The following LHPP variants were observed in gnomAD, a reference collection of about 807,000 sequenced individuals.
The protein encoded by LHPP is phospholysine phosphohistidine inorganic pyrophosphate phosphatase.
A neutral mutation model predicts 30.3 loss-of-function variants in LHPP; 24 were observed. That is an observed-to-expected ratio of 0.79 (90% CI 0.57 to 1.11). LHPP has a LOEUF of 1.11. LHPP is among the 50% of genes most tolerant of loss of function. LHPP has a pLI of 0.00. For synonymous variants in LHPP, 150 were observed against 157.1 expected, an observed-to-expected ratio of 0.95 and a Z score of 0.34; for missense variants, 356 against 367.2, an observed-to-expected ratio of 0.97 and a Z score of 0.25.
chr10:124,498,344 A>G (rs1274100120), intron 5 of LHPP: 7 of 1,570,796 alleles, frequency 4.5e-6, no homozygotes, highest in Non-Finnish European at 6.0e-6. Context: ...TCAGTATGAA[A>G]GCAAGAAGCA....
At chr10:124,504,988 C>G (rs1954021713) in intron 5 of LHPP, among the ~76,000 whole-genome samples, 1 of 152,144 alleles carries the variant, frequency 6.6e-6, no homozygotes, top group African/African-American at 2.4e-5. Context: ...CCCTGAGCAT[C>G]TGTGGCCCTG....
At chr10:124,563,546 G>A (rs957695947) in intron 6 of LHPP, among the ~76,000 whole-genome samples, 2 of 152,080 alleles carry the variant, frequency 1.3e-5, no homozygotes, top group Non-Finnish European at 2.9e-5. Context: ...ATAAAGAGCA[G>A]CCTGAGGGGT....
chr10:124,598,173 C>G (rs913763598), intron 6 of LHPP, among the ~76,000 whole-genome samples: 3 of 152,254 alleles, frequency 2.0e-5, no homozygotes. Flanking sequence ...CAGCCCCTCA[C>G]CAGGTCCCCA....
At chr10:124,594,298 C>A in intron 6 of LHPP, among the ~76,000 whole-genome samples, 1 of 135,668 alleles carries the variant, frequency 7.4e-6, no homozygotes, top group East Asian at 2.3e-4. Flanking sequence ...CCATTGCACT[C>A]CAGCCTGGGC....
At chr10:124,598,508 G>T (rs1328586122) in intron 6 of LHPP, among the ~76,000 whole-genome samples, 1 of 152,182 alleles carries the variant, frequency 6.6e-6, no homozygotes, top group Non-Finnish European at 1.5e-5. Context: ...AGGTGCTTGG[G>T]CATCGGACCT....
intron 6 of LHPP, chr10:124,553,945 C>G (rs1948237670): frequency 1.0e-6 from 1 of 985,324 alleles, no homozygotes; most frequent in Admixed American, 6.1e-5. Flanking sequence ...GACAGAGCCC[C>G]CCTGTTGTCC....
intron 5 of LHPP, among the ~76,000 whole-genome samples, chr10:124,516,141 T>C (rs1379408809): frequency 6.6e-6 from 1 of 152,224 alleles, no homozygotes. Context: ...GCAGAAACTT[T>C]TTTTCTCACT....
chr10:124,463,820 CTTTTTT>C (rs35122241), intron 1 of LHPP, among the ~76,000 whole-genome samples: 2 of 120,762 alleles, frequency 1.7e-5, no homozygotes, highest in Non-Finnish European at 3.4e-5. Flanking sequence ...ATTTTTTTTT[CTTTTTT>C]TTTTTTTTTT....
At chr10:124,526,828 C>T (rs1268613713) in intron 6 of LHPP, among the ~76,000 whole-genome samples, 1 of 152,208 alleles carries the variant, frequency 6.6e-6, no homozygotes, top group African/African-American at 2.4e-5. Context: ...CAAGCGCTCT[C>T]TTCCCCTCCA....
At chr10:124,553,947 C>G in intron 6 of LHPP, 4 of 985,442 alleles carry the variant, frequency 4.1e-6, no homozygotes, top group Non-Finnish European at 3.6e-6. Context: ...CAGAGCCCCC[C>G]TGTTGTCCTT....
intron 5 of LHPP, among the ~76,000 whole-genome samples, chr10:124,514,340 G>A (rs368084736): frequency 6.6e-6 from 1 of 152,204 alleles, no homozygotes; most frequent in African/African-American, 2.4e-5. Flanking sequence ...TTTTCCCTTC[G>A]CCCAAAGGAC....
intron 1 of LHPP, among the ~76,000 whole-genome samples, chr10:124,473,205 C>T (rs960682174): frequency 5.9e-5 from 9 of 152,152 alleles, no homozygotes; most frequent in Middle Eastern, 3.2e-3. Flanking sequence ...TGAATGGAGT[C>T]CTGCCCCTAC....
intron 6 of LHPP, among the ~76,000 whole-genome samples, chr10:124,570,575 T>C (rs553869784): frequency 6.6e-6 from 1 of 152,238 alleles, no homozygotes; most frequent in Non-Finnish European, 1.5e-5. Flanking sequence ...AATTCCAGAA[T>C]ATTCTGTCAC....
chr10:124,613,303 G>A lies in LHPP; in HGVS notation c.756G>A (p.Gly252=), dbSNP rs771749288. 1.2e-6 allele frequency: 2 copies of A among 1,613,576 alleles called. No homozygotes were observed. Among genetic ancestry groups the A allele is most frequent in the Non-Finnish European group, 1.7e-6 (2 of 1,179,980 alleles). The change falls in exon 7 of 7, where the codon GGG becomes GGA. Residue 252 remains glycine, a synonymous_variant. Transcript: ENST00000368842. ...ACCATCCGGAAGTGAAGGCTGATGG[G>A]TACGTGGACAACCTCGCAGAGGCAG... ...DEHHPEVKAD[G]YVDNLAEAVD... is the part of the protein sequence containing the mutation.
At chr10:124,588,681 G>A (rs773368180) in intron 6 of LHPP, among the ~76,000 whole-genome samples, 2 of 152,174 alleles carry the variant, frequency 1.3e-5, no homozygotes, top group Admixed American at 6.5e-5. Flanking sequence ...ACAAATGTCT[G>A]CAAAAAATAT....
intron 1 of LHPP, among the ~76,000 whole-genome samples, chr10:124,475,683 G>T (rs903692439): frequency 3.9e-5 from 6 of 152,206 alleles, no homozygotes; most frequent in Admixed American, 2.0e-4. Context: ...CAGGGAGGAG[G>T]TGTGTCTGCT....
chr10:124,551,046 C>T (rs74160926), intron 6 of LHPP, among the ~76,000 whole-genome samples: 6,363 of 152,216 alleles, frequency 0.042, 222 homozygotes, highest in African/African-American at 0.081. Flanking sequence ...CTACACAACC[C>T]ATCTGTAAAA....
rs908753311 is a variant in LHPP, at chr10:124,496,123, C to T, written c.468-838C>T. On this transcript the variant is annotated intron_variant, in intron 3 of 6. Coordinates refer to ENST00000368842, the MANE Select transcript of LHPP (RefSeq NM_022126.4). The surrounding 1 kb of genome is among the most constrained non-coding windows in gnomAD (Gnocchi z 4.3). ...TTAGTGGTTCCAAGAATCAAGCCCC[C>T]TTGTGTATTCTTGGCTTTCAATGAA... 2.6e-5 allele frequency among the ~76,000 whole-genome samples: 4 copies of T among 152,224 alleles called. No individual in the cohort carries two copies. Among genetic ancestry groups the T allele is most frequent in the Non-Finnish European group, 5.9e-5 (4 of 68,038 alleles).
At chr10:124,559,155 G>T (rs1008932945) in intron 6 of LHPP, among the ~76,000 whole-genome samples, 9 of 152,208 alleles carry the variant, frequency 5.9e-5, no homozygotes, top group Non-Finnish European at 1.0e-4. Flanking sequence ...CAGCGGGCAA[G>T]GTTTCTACCC....
Sources: allele counts gnomAD v4.1 joint callset (sites outside exome capture counted in the v4.1 genomes callset), GRCh38; gene constraint gnomAD v4.1.1; non-coding constraint Gnocchi (gnomAD v3.1); transcripts MANE v1.5; gene names NCBI Gene and HGNC (gene_info 2026-07-23, HGNC 2026-07-21).